Variants in GLT1D1 observed in about 807,000 individuals in gnomAD.
GLT1D1 encodes glycosyltransferase 1 domain containing 1.
GLT1D1 carries 21 observed loss-of-function variants against 28.7 expected under a neutral mutation model. That is an observed-to-expected ratio of 0.73 (90% CI 0.52 to 1.05). The LOEUF (loss-of-function observed/expected upper bound fraction) is 1.05. Ranked by LOEUF, GLT1D1 falls within the 50% of genes least tolerant of loss-of-function variation. GLT1D1 has a pLI of 0.00. For synonymous variants in GLT1D1, 147 were observed against 124.8 expected (o/e 1.18, Z -1.19); for missense variants, 343 against 330.6 (o/e 1.04, Z -0.29).
rs189889549 is a variant in GLT1D1 at position 128,901,745 on chromosome 12, T to A, written c.375+2458T>A. On this transcript the variant is annotated intron_variant, in intron 4 of 7. Coordinates refer to ENST00000281703, the MANE Select transcript of GLT1D1 (RefSeq NM_144669.3). ...CCACCATGCCTGGTCCCTCTTTTTT[T>A]TTATTATTATTATTTTTTTTGAGAC... 6.6e-3 allele frequency among the ~76,000 whole-genome samples: 998 copies of A among 151,444 alleles called. 33 individuals carry two copies. The highest frequency in any genetic ancestry group is 0.023 in the African/African-American group (939 of 40,970).
chr12:128,971,416 TCCTCCCTTCCTCTCCTCCTC>T (rs1565922982), intron 7 of GLT1D1, among the ~76,000 whole-genome samples: 2 of 138,764 alleles, frequency 1.4e-5, no homozygotes, highest in South Asian at 2.6e-4. Context: ...CCTTCTTCCC[TCCTCCCTTCCTCTCCTCCTC>T]CCTCCCTTCC....
intron 4 of GLT1D1, among the ~76,000 whole-genome samples, chr12:128,934,593 T>C (rs1233882668): frequency 1.3e-5 from 2 of 152,128 alleles, no homozygotes; most frequent in Non-Finnish European, 2.9e-5. Context: ...GAGGTCCCAA[T>C]GAAGAAACCA....
chr12:128,872,793 G>T (rs1254032425), intron 1 of GLT1D1, among the ~76,000 whole-genome samples: 1 of 152,112 alleles, frequency 6.6e-6, no homozygotes, highest in Non-Finnish European at 1.5e-5. Flanking sequence ...AATTTAAAAA[G>T]ATAATATATG....
chr12:128,946,116 C>A (rs980147678), intron 5 of GLT1D1, among the ~76,000 whole-genome samples: 1 of 152,060 alleles, frequency 6.6e-6, no homozygotes, highest in Non-Finnish European at 1.5e-5. Flanking sequence ...TAGGTGCAGA[C>A]GCGTGTGTGC....
At chr12:128,863,869 C>A (rs1447163259) in intron 1 of GLT1D1, among the ~76,000 whole-genome samples, 6 of 149,952 alleles carry the variant, frequency 4.0e-5, no homozygotes, top group African/African-American at 1.5e-4. Context: ...TGGCGTGAAC[C>A]CGGGAGGTGG....
intron 4 of GLT1D1, among the ~76,000 whole-genome samples, chr12:128,937,856 C>T (rs748783279): frequency 6.6e-6 from 1 of 152,122 alleles, no homozygotes; most frequent in Non-Finnish European, 1.5e-5. Flanking sequence ...TTCCAGAGGC[C>T]TCCCCAGCCC....
Position 128,876,163 on chromosome 12 carries a change from A to T in GLT1D1, c.217+101A>T, listed in dbSNP as rs537449222. 25 of 1,080,306 alleles carry T rather than the reference A, an allele frequency of 2.3e-5. No homozygotes were observed. In the South Asian group the frequency reaches 4.1e-4, roughly 18 times the overall value. The allele number at this position is 1,080,306 out of a possible 1,614,324, so 66.9% of individuals were successfully genotyped here. A position where few individuals can be genotyped will look rare whatever the true frequency, so the allele number is the denominator to read the frequency against. ...GGGAAACAGTGTCTCCTTTTTATCC[A>T]GTTCAGAAATGGGAGACATGCAATA... On this transcript the variant is annotated intron_variant, in intron 2 of 7. Transcript: ENST00000281703.
At chr12:128,962,031 A>T (rs470566) in intron 7 of GLT1D1, among the ~76,000 whole-genome samples, 109,264 of 150,128 alleles carry the variant, frequency 0.73, 39,690 homozygotes, top group Admixed American at 0.79. Context: ...GTCCCCCTCC[A>T]CCCTTCCCAG....
intron 6 of GLT1D1, among the ~76,000 whole-genome samples, chr12:128,957,226 CATGCGGT>C (rs1172345252): frequency 6.6e-6 from 1 of 152,198 alleles, no homozygotes; most frequent in Non-Finnish European, 1.5e-5. Flanking sequence ...ATGCATGCTC[CATGCGGT>C]CGGTCGGTGA....
At chr12:128,903,953 A>C (rs1360085826) in intron 4 of GLT1D1, among the ~76,000 whole-genome samples, 1 of 151,446 alleles carries the variant, frequency 6.6e-6, no homozygotes, top group Non-Finnish European at 1.5e-5. Context: ...CTGGTCTCGA[A>C]CTCCTGACCA....
intron 3 of GLT1D1, among the ~76,000 whole-genome samples, chr12:128,893,509 G>A (rs1869299916): frequency 6.6e-6 from 1 of 152,002 alleles, no homozygotes; most frequent in African/African-American, 2.4e-5. Context: ...ATTTCAAAAT[G>A]GCAATGTTCA....
chr12:128,866,057 G>T (rs1014185071), intron 1 of GLT1D1, among the ~76,000 whole-genome samples: 1 of 150,930 alleles, frequency 6.6e-6, no homozygotes, highest in Middle Eastern at 3.5e-3. Flanking sequence ...ATTCCCAGGG[G>T]TGATTGTACC....
chr12:128,978,213 G>A (rs544143480), intron 7 of GLT1D1, among the ~76,000 whole-genome samples: 7 of 152,162 alleles, frequency 4.6e-5, no homozygotes, highest in African/African-American at 1.4e-4. Flanking sequence ...CGGCTTTTCC[G>A]CAGCTCCCAG....
At chr12:128,955,688 A>T (rs1040978828) in intron 6 of GLT1D1, among the ~76,000 whole-genome samples, 1 of 152,052 alleles carries the variant, frequency 6.6e-6, no homozygotes, top group African/African-American at 2.4e-5. Context: ...TGGCTGACGC[A>T]TTCCTCAGGG....
intron 1 of GLT1D1, among the ~76,000 whole-genome samples, chr12:128,866,123 C>T (rs999193041): frequency 6.9e-6 from 1 of 145,726 alleles, no homozygotes; most frequent in Non-Finnish European, 1.5e-5. Flanking sequence ...GGCTGGAGTG[C>T]AGTGGCATGA....
chr12:128,907,111 T>A (rs1260356473), intron 4 of GLT1D1, among the ~76,000 whole-genome samples: 1 of 152,158 alleles, frequency 6.6e-6, no homozygotes, highest in Non-Finnish European at 1.5e-5. Flanking sequence ...TATGTCTGAT[T>A]ACCTCGGAAA....
chr12:128,952,520 GGCAATAGCCGATCTC>G (rs1308173805), intron 6 of GLT1D1, among the ~76,000 whole-genome samples: 1 of 150,576 alleles, frequency 6.6e-6, no homozygotes, highest in Non-Finnish European at 1.5e-5. Context: ...CAGGCTGAAG[GGCAATAGCCGATCTC>G]GGCTCACCCC....
In GLT1D1 at chr12:128,957,598, C is replaced by T. The variant is rs150623517; in HGVS notation, c.594C>T (p.Ala198=). 1.1e-5 allele frequency: 18 copies of T among 1,613,712 alleles called. No homozygotes were observed. The highest frequency in any genetic ancestry group is 4.0e-5 in the African/African-American group (3 of 74,886). ...CCAGGAACATCCCCGGGAATGCTGC[C>T]GTGGTGAAGCATGAAGTCACAGGGC... is the stretch of plus-strand genomic sequence containing the variant. The change falls in exon 7 of 8, where the codon GCC becomes GCT. Residue 198 remains alanine, a synonymous_variant. Coordinates refer to ENST00000281703, the MANE Select transcript of GLT1D1 (RefSeq NM_144669.3).
intron 3 of GLT1D1, among the ~76,000 whole-genome samples, chr12:128,890,876 G>A (rs1052258918): frequency 6.6e-6 from 1 of 152,200 alleles, no homozygotes; most frequent in Non-Finnish European, 1.5e-5. Flanking sequence ...GCCTGTGCCT[G>A]TAGTTCCAGC....
Sources: gnomAD v4.1 joint callset for allele counts (sites outside exome capture counted in the v4.1 genomes callset) on GRCh38, gnomAD v4.1.1 for gene constraint, MANE v1.5 for transcripts, NCBI Gene and HGNC (gene_info 2026-07-23, HGNC 2026-07-21) for gene names.